SFRP1: variants seen among roughly 807,000 people sequenced by gnomAD.
The protein encoded by SFRP1 is secreted frizzled-related protein 1.
SFRP1 carries 9 observed loss-of-function variants against 25.9 expected under a neutral mutation model. The ratio of observed to expected loss-of-function variants is 0.35; its 90% confidence interval spans 0.21 to 0.61. The LOEUF is 0.61. SFRP1 is among the 20% of genes least tolerant of loss of function. The probability of loss-of-function intolerance (pLI) is 0.78; values close to 1 mark genes in which losing one functional copy is unlikely to be tolerated. For synonymous variants in SFRP1, 178 were observed against 174.0 expected (o/e 1.02, Z -0.18); for missense variants, 346 against 418.2 (o/e 0.83, Z 1.51).
chr8:41,267,963 G>A (rs1303116030), intron 2 of SFRP1, among the ~76,000 whole-genome samples: 1 of 152,214 alleles, frequency 6.6e-6, no homozygotes, highest in Non-Finnish European at 1.5e-5. Flanking sequence ...AATGGCAAAA[G>A]AGTGCCTCCT....
intron 2 of SFRP1, among the ~76,000 whole-genome samples, chr8:41,294,458 C>T (rs1157040223): frequency 1.3e-5 from 2 of 152,126 alleles, no homozygotes; most frequent in Non-Finnish European, 2.9e-5. Context: ...GAGAGAAAAT[C>T]CCCCTCGTAA....
At chr8:41,308,493 G>C (rs992022779) in intron 1 of SFRP1, 123 bp downstream of exon 1, 2 of 755,686 alleles carry the variant, frequency 2.6e-6, no homozygotes, top group Non-Finnish European at 4.2e-6. Flanking sequence ...GAGCAACCTC[G>C]GGCCCTCAGT....
chr8:41,278,267 T>C (rs1803594244), intron 2 of SFRP1, among the ~76,000 whole-genome samples: 1 of 152,072 alleles, frequency 6.6e-6, no homozygotes, highest in South Asian at 2.1e-4. Flanking sequence ...AAACAAAAGC[T>C]TGGATAGCAA....
At chr8:41,299,942 G>A (rs538224959) in intron 2 of SFRP1, among the ~76,000 whole-genome samples, 6 of 152,256 alleles carry the variant, frequency 3.9e-5, no homozygotes, top group East Asian at 3.9e-4. Context: ...GGTAAAACAC[G>A]GCATTAGATA....
Position 41,265,138 on chromosome 8 carries a change from G to GCCCCCCCCC in SFRP1, c.*28_*29insGGGGGGGGG. 2.6e-5 allele frequency: 13 copies of GCCCCCCCCC among 508,950 alleles called. No individual in the cohort carries two copies. Among genetic ancestry groups the GCCCCCCCCC allele is most frequent in the South Asian group, 5.9e-5 (3 of 50,516 alleles). The allele number at this position is 508,950 out of a possible 1,614,324, so 31.5% of individuals were successfully genotyped here. A position where few individuals can be genotyped will look rare whatever the true frequency, so the allele number is the denominator to read the frequency against. The stretch of plus-strand genomic sequence containing the variant: ...CCCCCCCGCTCCCACCCCACCCGAG[G>GCCCCCCCCC]CTCCCTCCCCACCCTGCCCCCGGGA... On this transcript the variant is annotated 3_prime_UTR_variant, in exon 3 of 3. Transcript: ENST00000220772.
At chr8:41,304,975 T>C (rs1247732961) in intron 1 of SFRP1, among the ~76,000 whole-genome samples, 7 of 152,068 alleles carry the variant, frequency 4.6e-5, no homozygotes, top group African/African-American at 7.2e-5. Flanking sequence ...TGCTGGAAAT[T>C]TGCTTTGCAC....
chr8:41,297,285 C>A (rs1803855469), intron 2 of SFRP1, among the ~76,000 whole-genome samples: 1 of 142,820 alleles, frequency 7.0e-6, no homozygotes, highest in Non-Finnish European at 1.6e-5. Context: ...CTCAGGTGAT[C>A]CACCCACCTC....
intron 2 of SFRP1, among the ~76,000 whole-genome samples, chr8:41,290,247 G>A (rs1019512759): frequency 6.6e-6 from 1 of 152,196 alleles, no homozygotes; most frequent in Non-Finnish European, 1.5e-5. Context: ...CACGTGCACA[G>A]AGGCATAAAC....
chr8:41,301,886 G>C (rs553809524), intron 2 of SFRP1, among the ~76,000 whole-genome samples: 1 of 152,178 alleles, frequency 6.6e-6, no homozygotes, highest in African/African-American at 2.4e-5. Context: ...GCCTGCTGCC[G>C]TGGGAAGAAG....
At chr8:41,270,190 C>G (rs1803486742) in intron 2 of SFRP1, among the ~76,000 whole-genome samples, 1 of 152,184 alleles carries the variant, frequency 6.6e-6, no homozygotes, top group Non-Finnish European at 1.5e-5. Flanking sequence ...CACCAAGCTT[C>G]TGGACTGAGT....
In SFRP1 at chr8:41,308,935, CT is replaced by C. The variant is rs1804033657; in HGVS notation, c.224del (p.Lys75ArgfsTer16). ...LRLCHNVGYK[K>X]MVLPNLLEHE... ...GCTCCAGCAGGTTGGGCAGCACCAT[CT>C]TCTTGTAGCCCACGTTGTGGCACAG... On this transcript the variant is annotated frameshift_variant, in exon 1 of 3. Transcript: ENST00000220772. LOFTEE classifies it high-confidence loss of function. 3 of 1,613,300 alleles carry C rather than the reference CT, an allele frequency of 1.9e-6. No individual in the cohort carries two copies. The highest frequency in any genetic ancestry group is 2.5e-6 in the Non-Finnish European group (3 of 1,179,936).
At chr8:41,294,549 T>C (rs1004777152) in intron 2 of SFRP1, among the ~76,000 whole-genome samples, 2 of 152,130 alleles carry the variant, frequency 1.3e-5, no homozygotes, top group Non-Finnish European at 2.9e-5. Context: ...TATTTTGGCA[T>C]CTCTTTACAA....
intron 2 of SFRP1, among the ~76,000 whole-genome samples, chr8:41,268,849 G>A (rs1803468274): frequency 6.6e-6 from 1 of 152,214 alleles, no homozygotes; most frequent in Admixed American, 6.5e-5. Flanking sequence ...ATCCCATCAT[G>A]CTCACAGGGC....
chr8:41,301,395 T>C (rs1345201751), intron 2 of SFRP1, among the ~76,000 whole-genome samples: 3 of 152,178 alleles, frequency 2.0e-5, no homozygotes, highest in African/African-American at 7.2e-5. Flanking sequence ...CAAGGCTGCA[T>C]TCTCTAAGGT....
At chr8:41,281,671 A>T (rs1010165114) in intron 2 of SFRP1, among the ~76,000 whole-genome samples, 1 of 152,206 alleles carries the variant, frequency 6.6e-6, no homozygotes, top group African/African-American at 2.4e-5. Flanking sequence ...CTGTGAAGCC[A>T]TCCCTCATAT....
chr8:41,299,855 G>T (rs1803893394), intron 2 of SFRP1, among the ~76,000 whole-genome samples: 1 of 151,908 alleles, frequency 6.6e-6, no homozygotes, highest in Non-Finnish European at 1.5e-5. Flanking sequence ...AAGAAGTATG[G>T]TTTTTTTATT....
At chr8:41,294,188 G>A (rs1803812412) in intron 2 of SFRP1, among the ~76,000 whole-genome samples, 1 of 152,268 alleles carries the variant, frequency 6.6e-6, no homozygotes, top group Non-Finnish European at 1.5e-5. Flanking sequence ...CCACAGGAGG[G>A]AATGCGCTCT....
chr8:41,288,892 G>A (rs1803741983), intron 2 of SFRP1, among the ~76,000 whole-genome samples: 1 of 152,200 alleles, frequency 6.6e-6, no homozygotes, highest in Admixed American at 6.5e-5. Context: ...GACACATTCA[G>A]GAGAGGGGCT....
At chr8:41,285,854 G>A (rs1053390359) in intron 2 of SFRP1, among the ~76,000 whole-genome samples, 8 of 152,312 alleles carry the variant, frequency 5.3e-5, no homozygotes, top group African/African-American at 1.4e-4. Flanking sequence ...GGCTAGGGTC[G>A]GGGGTGCCAA....
Sources: gnomAD v4.1 joint callset for allele counts (sites outside exome capture counted in the v4.1 genomes callset) on GRCh38, gnomAD v4.1.1 for gene constraint, MANE v1.5 for transcripts, NCBI Gene and HGNC (gene_info 2026-07-23, HGNC 2026-07-21) for gene names.